Variants in HYCC2 observed in about 807,000 individuals in gnomAD.
HYCC2 encodes hyccin 2.
At chr2:201,015,009 T>C in the HYCC2 span, among the ~76,000 whole-genome samples, 2 of 152,252 alleles carry the variant, frequency 1.3e-5, no homozygotes, top group South Asian at 2.1e-4. Context: ...TTTACAACTT[T>C]TATGACAAAT....
the HYCC2 span, chr2:200,988,528 A>G: frequency 2.8e-5 from 20 of 717,682 alleles, no homozygotes; most frequent in Admixed American, 3.9e-4. Context: ...TTGCATTATA[A>G]TGTGTAATAA....
At chr2:200,981,589 A>T in the HYCC2 span, 3 of 1,614,132 alleles carry the variant, frequency 1.9e-6, no homozygotes, top group Non-Finnish European at 2.5e-6. The surrounding 1 kb of genome is among the most constrained non-coding windows in gnomAD (Gnocchi z 4.5). Context: ...GTGTTTCTTC[A>T]TTGGTGTCAG....
At chr2:201,024,349 C>T in the HYCC2 span, among the ~76,000 whole-genome samples, 1 of 151,992 alleles carries the variant, frequency 6.6e-6, no homozygotes, top group Non-Finnish European at 1.5e-5. Context: ...ATTAGCTGGG[C>T]ATGGTGGCGT....
At chr2:201,020,817 G>A in the HYCC2 span, among the ~76,000 whole-genome samples, 2 of 152,148 alleles carry the variant, frequency 1.3e-5, no homozygotes, top group Non-Finnish European at 2.9e-5. Context: ...TGCCAGGCTG[G>A]AGTGCAGTGA....
At chr2:201,053,321 C>G in the HYCC2 span, among the ~76,000 whole-genome samples, 32 of 152,058 alleles carry the variant, frequency 2.1e-4, no homozygotes, top group Non-Finnish European at 4.1e-4. Context: ...CGGGGTTTCA[C>G]CATATTGGCC....
chr2:200,974,582 C>T, the HYCC2 span: 1 of 151,710 alleles, frequency 6.6e-6, no homozygotes, highest in Non-Finnish European at 1.5e-5. Context: ...AACAAACAAA[C>T]CCCCCCAAAC....
At chr2:200,995,354 G>A in the HYCC2 span, among the ~76,000 whole-genome samples, 1 of 152,192 alleles carries the variant, frequency 6.6e-6, no homozygotes, top group Non-Finnish European at 1.5e-5. Context: ...CTCTTGGAGA[G>A]CCATGATCCC....
chr2:201,004,054 G>T, the HYCC2 span, among the ~76,000 whole-genome samples: 9 of 152,056 alleles, frequency 5.9e-5, no homozygotes, highest in Admixed American at 2.0e-4. Flanking sequence ...GACCTCAGGT[G>T]ATCCACCCGC....
chr2:201,033,196 T>TGA, the HYCC2 span, among the ~76,000 whole-genome samples: 920 of 106,198 alleles, frequency 8.7e-3, 4 homozygotes, highest in East Asian at 0.015. Flanking sequence ...TGTGTGTGTG[T>TGA]GAGAGAGAGA....
chr2:201,008,392 G>T, the HYCC2 span, among the ~76,000 whole-genome samples: 5 of 152,120 alleles, frequency 3.3e-5, no homozygotes, highest in Admixed American at 2.0e-4. Context: ...TCACAACTAT[G>T]ATGTATTTAC....
the HYCC2 span, chr2:200,978,491 T>TC: frequency 3.1e-4 from 38 of 124,552 alleles, no homozygotes; most frequent in African/African-American, 6.3e-4. Flanking sequence ...TTTTTTTTTT[T>TC]CAGAGATGGA....
chr2:200,976,158 T>C, the HYCC2 span: 2 of 152,150 alleles, frequency 1.3e-5, no homozygotes, highest in Non-Finnish European at 2.9e-5. Flanking sequence ...ACCAACTTAG[T>C]GGTAAAACGA....
chr2:201,053,163 AC>A, the HYCC2 span, among the ~76,000 whole-genome samples: 1 of 151,922 alleles, frequency 6.6e-6, no homozygotes, highest in African/African-American at 2.4e-5. Flanking sequence ...GCTCTTGTCA[AC>A]CAGGCTGGAG....
At chr2:200,990,881 A>AT in the HYCC2 span, among the ~76,000 whole-genome samples, 1 of 147,594 alleles carries the variant, frequency 6.8e-6, no homozygotes, top group Non-Finnish European at 1.5e-5. Context: ...TAAATTTTGT[A>AT]TTTTTTTGTA....
chr2:200,994,445 C>G, the HYCC2 span, among the ~76,000 whole-genome samples: 1 of 152,134 alleles, frequency 6.6e-6, no homozygotes, highest in African/African-American at 2.4e-5. Context: ...CTATGTTGGC[C>G]AGGCTGGTCT....
chr2:201,067,171 A>C, the HYCC2 span: 1 of 226,062 alleles, frequency 4.4e-6, no homozygotes, highest in African/African-American at 2.3e-5. Flanking sequence ...GGAGGTTGTC[A>C]ACAAAATTGG....
the HYCC2 span, among the ~76,000 whole-genome samples, chr2:201,020,549 T>C: frequency 1.3e-5 from 2 of 152,232 alleles, no homozygotes; most frequent in African/African-American, 4.8e-5. Context: ...TTTATCATAT[T>C]CCACTCATCA....
chr2:201,002,707 G>A, the HYCC2 span, among the ~76,000 whole-genome samples: 1 of 152,048 alleles, frequency 6.6e-6, no homozygotes, highest in Non-Finnish European at 1.5e-5. Context: ...TGTATTTTTA[G>A]TAGAGACGGG....
the HYCC2 span, among the ~76,000 whole-genome samples, chr2:201,046,663 G>A: frequency 6.6e-6 from 1 of 151,974 alleles, no homozygotes; most frequent in African/African-American, 2.4e-5. Flanking sequence ...CAGACTTCAG[G>A]GCCAAGGAGA....
Sources: allele counts gnomAD v4.1 joint callset (sites outside exome capture counted in the v4.1 genomes callset), GRCh38; gene constraint gnomAD v4.1.1; non-coding constraint Gnocchi (gnomAD v3.1); transcripts MANE v1.5; gene names NCBI Gene and HGNC (gene_info 2026-07-23, HGNC 2026-07-21).